The following ANKRD33B variants were observed in gnomAD, a reference collection of about 807,000 sequenced individuals.
The protein encoded by ANKRD33B is ankyrin repeat domain-containing protein 33B.
ANKRD33B carries 6 observed loss-of-function variants against 21.5 expected under a neutral mutation model. That is an observed-to-expected ratio of 0.28 (90% CI 0.15 to 0.55). The LOEUF (loss-of-function observed/expected upper bound fraction) is 0.55, where lower values mean the gene tolerates loss of function less well. ANKRD33B is among the 20% of genes least tolerant of loss of function. The pLI is 0.94. For synonymous variants in ANKRD33B, 347 were observed against 342.4 expected, an observed-to-expected ratio of 1.01 and a Z score of -0.15; for missense variants, 698 against 747.2, an observed-to-expected ratio of 0.93 and a Z score of 0.77.
At chr5:10,642,409 T>C (rs1737081157) in intron 3 of ANKRD33B, among the ~76,000 whole-genome samples, 1 of 152,220 alleles carries the variant, frequency 6.6e-6, no homozygotes, top group South Asian at 2.1e-4. Context: ...CACGGATTAT[T>C]GTCTGTGGGA....
rs1001542909 is a variant in ANKRD33B, at chr5:10,655,865, C to T, written c.*5752C>T. On this transcript the variant is annotated 3_prime_UTR_variant, in exon 4 of 4. Coordinates refer to ENST00000296657, the MANE Select transcript of ANKRD33B (RefSeq NM_001164440.2). ...CCTGGTCCTTGGTTTCTACCCCAGC[C>T]GCTTTCAGCCGGCACCTGCATGGGA... 4 of 152,390 alleles carry T rather than the reference C, an allele frequency of 2.6e-5. No homozygotes were observed. The highest frequency in any genetic ancestry group is 5.9e-5 in the Non-Finnish European group (4 of 68,082). 9.4% of individuals were successfully genotyped at this position (152,390 alleles called of 1,614,324 possible). A position where few individuals can be genotyped will look rare whatever the true frequency, so the allele number is the denominator to read the frequency against.
chr5:10,572,655 G>C (rs778161514), intron 1 of ANKRD33B, among the ~76,000 whole-genome samples: 1 of 152,330 alleles, frequency 6.6e-6, no homozygotes, highest in South Asian at 2.1e-4. Context: ...CCCCGTCTGG[G>C]CCTGTTCCCC....
chr5:10,625,932 C>A (rs533600881), intron 2 of ANKRD33B, among the ~76,000 whole-genome samples: 2 of 152,086 alleles, frequency 1.3e-5, no homozygotes, highest in South Asian at 4.2e-4. Flanking sequence ...CTGTCAATTA[C>A]GGGGGGAAGG....
chr5:10,635,417 C>G (rs375198875), intron 2 of ANKRD33B, among the ~76,000 whole-genome samples: 1 of 152,254 alleles, frequency 6.6e-6, no homozygotes, highest in East Asian at 1.9e-4. Flanking sequence ...AGCCCCTCCC[C>G]GCACATAGTA....
At chr5:10,596,913 A>T in intron 1 of ANKRD33B, among the ~76,000 whole-genome samples, 1 of 152,332 alleles carries the variant, frequency 6.6e-6, no homozygotes, top group Non-Finnish European at 1.5e-5. Context: ...AAAGAAAAAA[A>T]AATTCCAACT....
At chr5:10,586,531 G>GTGTA (rs1160324195) in intron 1 of ANKRD33B, among the ~76,000 whole-genome samples, 1 of 113,584 alleles carries the variant, frequency 8.8e-6, no homozygotes, top group Non-Finnish European at 1.9e-5. Context: ...GTGTGTGTGT[G>GTGTA]TGTATACTGC....
intron 2 of ANKRD33B, among the ~76,000 whole-genome samples, chr5:10,628,766 T>C (rs914517742): frequency 6.6e-6 from 1 of 152,168 alleles, no homozygotes; most frequent in African/African-American, 2.4e-5. Flanking sequence ...GCATGTGAGC[T>C]GGGTAACGAG....
chr5:10,647,547 ATT>A (rs1737216368), intron 3 of ANKRD33B, among the ~76,000 whole-genome samples: 6 of 152,274 alleles, frequency 3.9e-5, no homozygotes, highest in South Asian at 4.1e-4. Context: ...ACTTTGCAAT[ATT>A]TGGGGGCAGT....
rs569718528 is a variant in ANKRD33B, at chr5:10,649,170, G to A, written c.638-96G>A. ...TAGGAGGCTTGGGGCCAGGGGTGGGGGGTGGGGGCAGTTTTGCCTTTGCCC... is the reference window on the plus strand; with the variant it reads ...TAGGAGGCTTGGGGCCAGGGGTGGGAGGTGGGGGCAGTTTTGCCTTTGCCC... On this transcript the variant is annotated intron_variant, in intron 3 of 3. Transcript: ENST00000296657. The A allele has an allele frequency of 2.9e-4, 418 of 1,439,806 alleles. 7 individuals are homozygous for A. The South Asian group carries it at 5.1e-3, about 17-fold the overall frequency. The allele number at this position is 1,439,806 out of a possible 1,614,324, so 89.2% of individuals were successfully genotyped here.
In ANKRD33B at chr5:10,652,909, T is replaced by C. The variant is rs866288417; in HGVS notation, c.*2796T>C. On this transcript the variant is annotated 3_prime_UTR_variant, in exon 4 of 4. Coordinates refer to ENST00000296657, the MANE Select transcript of ANKRD33B (RefSeq NM_001164440.2). This position sits in a 1 kb window ranked among gnomAD's most constrained non-coding sequence, Gnocchi z 4.1. ...AGCTTGGGGCAGGACACGGATTTCT[T>C]TGGCAAATCTGCAGGCGAGCTGACC... 1 of 211,006 alleles carries C rather than the reference T, an allele frequency of 4.7e-6. No individual in the cohort carries two copies. The highest frequency in any genetic ancestry group is 6.5e-4 in the Middle Eastern group (1 of 1,546). The allele number at this position is 211,006 out of a possible 1,614,324, so 13.1% of individuals were successfully genotyped here.
At chr5:10,624,968 G>C (rs1736510344) in intron 2 of ANKRD33B, 1 of 353,552 alleles carries the variant, frequency 2.8e-6, no homozygotes, top group Middle Eastern at 1.0e-3. Flanking sequence ...CCCACATTGA[G>C]GATGGAGAGC....
At chr5:10,571,284 C>T (rs181281000) in intron 1 of ANKRD33B, among the ~76,000 whole-genome samples, 4,228 of 152,282 alleles carry the variant, frequency 0.028, 87 homozygotes, top group Non-Finnish European at 0.043. Context: ...CCACTGCAAC[C>T]TCCACCTCCC....
intron 1 of ANKRD33B, among the ~76,000 whole-genome samples, chr5:10,583,770 C>T (rs1387732139): frequency 2.0e-5 from 3 of 152,274 alleles, no homozygotes; most frequent in Middle Eastern, 3.4e-3. Context: ...TTCCAACAGG[C>T]GGTCCTATTC....
chr5:10,635,565 T>C (rs1736838292), intron 2 of ANKRD33B, among the ~76,000 whole-genome samples: 1 of 152,230 alleles, frequency 6.6e-6, no homozygotes, highest in African/African-American at 2.4e-5. Flanking sequence ...GGGCTTCCTT[T>C]TCAAAAAGAT....
Position 10,619,376 on chromosome 5 carries a change from A to C in ANKRD33B, c.496+914A>C. The C allele has an allele frequency of 1.0e-6, 1 of 985,354 alleles. No individual in the cohort carries two copies. Among genetic ancestry groups the C allele is most frequent in the Non-Finnish European group, 1.2e-6 (1 of 829,916 alleles). The allele number at this position is 985,354 out of a possible 1,614,324, so 61.0% of individuals were successfully genotyped here. A position where few individuals can be genotyped will look rare whatever the true frequency, so the allele number is the denominator to read the frequency against. On this transcript the variant is annotated intron_variant, in intron 2 of 3. Coordinates refer to ENST00000296657, the MANE Select transcript of ANKRD33B (RefSeq NM_001164440.2). This position sits in a 1 kb window ranked among gnomAD's most constrained non-coding sequence, Gnocchi z 4.5. ...AACTGGAGGAAGTGCCCCCGACCAC[A>C]CTGTATGTTGATTCTGGTTGGGAAA... is the stretch of plus-strand genomic sequence containing the variant.
chr5:10,626,639 A>T (rs1033130522), intron 2 of ANKRD33B, among the ~76,000 whole-genome samples: 1 of 152,194 alleles, frequency 6.6e-6, no homozygotes, highest in Non-Finnish European at 1.5e-5. Context: ...TCAGAAATAC[A>T]TTCGCCTTTT....
At chr5:10,589,008 C>T (rs1295528552) in intron 1 of ANKRD33B, among the ~76,000 whole-genome samples, 1 of 152,190 alleles carries the variant, frequency 6.6e-6, no homozygotes, top group African/African-American at 2.4e-5. Context: ...AGGCAGTCTT[C>T]ACGCAGCTCC....
At chr5:10,600,624 T>C (rs557255860) in intron 1 of ANKRD33B, among the ~76,000 whole-genome samples, 1 of 152,356 alleles carries the variant, frequency 6.6e-6, no homozygotes, top group South Asian at 2.1e-4. Flanking sequence ...GTCCTGAACA[T>C]TCTTGTATAC....
At chr5:10,613,281 AT>A (rs10572843) in intron 1 of ANKRD33B, among the ~76,000 whole-genome samples, 1,394 of 131,614 alleles carry the variant, frequency 0.011, 4 homozygotes, top group African/African-American at 0.017. Context: ...CTTAATGAGG[AT>A]TTTTTTTTTT....
Sources: gnomAD v4.1 joint callset for allele counts (sites outside exome capture counted in the v4.1 genomes callset) on GRCh38, gnomAD v4.1.1 for gene constraint, Gnocchi (gnomAD v3.1) non-coding constraint, MANE v1.5 for transcripts, NCBI Gene and HGNC (gene_info 2026-07-23, HGNC 2026-07-21) for gene names.